SH3RF2: variants seen among roughly 807,000 people sequenced by gnomAD.
SH3RF2 encodes the protein SH3 domain containing ring finger 2.
A neutral mutation model predicts 59.0 loss-of-function variants in SH3RF2; 43 were observed. That is an observed-to-expected ratio of 0.73 (90% CI 0.57 to 0.94). The LOEUF (loss-of-function observed/expected upper bound fraction) is 0.94. Ranked by LOEUF, SH3RF2 falls within the 40% of genes least tolerant of loss-of-function variation. The pLI, the probability that SH3RF2 is intolerant of heterozygous loss-of-function variation, is 0.00. For missense variants in SH3RF2, 930 were observed against 940.1 expected (o/e 0.99, Z 0.14); for synonymous variants, 391 against 391.5 (o/e 1.00, Z 0.01).
intron 2 of SH3RF2, among the ~76,000 whole-genome samples, chr5:145,983,553 T>C (rs1759588164): frequency 1.3e-5 from 2 of 152,166 alleles, no homozygotes; most frequent in Non-Finnish European, 2.9e-5. Flanking sequence ...ACCCAGCTCA[T>C]GGAAATGAGA....
chr5:145,991,750 G>A (rs1472371134), intron 2 of SH3RF2, among the ~76,000 whole-genome samples: 2 of 152,120 alleles, frequency 1.3e-5, no homozygotes, highest in Non-Finnish European at 2.9e-5. Flanking sequence ...TGCAATTTTA[G>A]TTTAATATGC....
chr5:145,987,593 T>C (rs1464042336), intron 2 of SH3RF2, among the ~76,000 whole-genome samples: 1 of 152,204 alleles, frequency 6.6e-6, no homozygotes, highest in African/African-American at 2.4e-5. Flanking sequence ...GGTCATAACA[T>C]AATTCTTTTC....
chr5:146,001,626 G>A (rs1484778567), intron 3 of SH3RF2, among the ~76,000 whole-genome samples: 1 of 152,168 alleles, frequency 6.6e-6, no homozygotes, highest in East Asian at 1.9e-4. Context: ...AAGACATAAG[G>A]AAGTATCATC....
intron 2 of SH3RF2, among the ~76,000 whole-genome samples, chr5:145,995,236 G>A (rs185485101): frequency 5.3e-5 from 8 of 152,216 alleles, no homozygotes; most frequent in Non-Finnish European, 8.8e-5. Context: ...AACTCCGGAC[G>A]GATGCTTCCT....
At chr5:146,066,236 T>G (rs371457180), downstream of SH3RF2, among the ~76,000 whole-genome samples, 2 of 152,324 alleles carry the variant, frequency 1.3e-5, no homozygotes, top group East Asian at 3.9e-4. Context: ...GGCAGCAGAG[T>G]GCATTTTTGG....
intron 5 of SH3RF2, among the ~76,000 whole-genome samples, chr5:146,045,246 A>G (rs1762262686): frequency 6.6e-6 from 1 of 152,142 alleles, no homozygotes; most frequent in Non-Finnish European, 1.5e-5. Flanking sequence ...CTGATTACAA[A>G]CTCAGAACAC....
intron 2 of SH3RF2, among the ~76,000 whole-genome samples, chr5:145,955,488 G>A (rs142698879): frequency 6.6e-5 from 10 of 152,176 alleles, no homozygotes; most frequent in African/African-American, 2.4e-4. Flanking sequence ...GATCATTCGC[G>A]CCCTAAACCT....
At chr5:146,079,997 A>G (rs893934974) in exon 10 of SH3RF2, 2 of 152,220 alleles carry the variant, frequency 1.3e-5, no homozygotes, top group Non-Finnish European at 2.9e-5. Context: ...GGAACTTTCC[A>G]TGAGGTATAG....
chr5:146,034,772 G>T (rs1444676891), intron 5 of SH3RF2, among the ~76,000 whole-genome samples: 1 of 152,146 alleles, frequency 6.6e-6, no homozygotes, highest in Non-Finnish European at 1.5e-5. Flanking sequence ...AGGTTTCCAA[G>T]AATGTAAATC....
intron 5 of SH3RF2, among the ~76,000 whole-genome samples, chr5:146,047,017 A>G (rs1310988509): frequency 6.6e-6 from 1 of 152,130 alleles, no homozygotes; most frequent in Admixed American, 6.5e-5. Context: ...TCAGCTTCCC[A>G]AAGTGCTAGG....
intron 5 of SH3RF2, among the ~76,000 whole-genome samples, chr5:146,016,406 A>ATG (rs1580864782): frequency 2.3e-5 from 3 of 133,306 alleles, no homozygotes; most frequent in South Asian, 4.7e-4. Flanking sequence ...ATGGATGGAT[A>ATG]GATGATTGAT....
In SH3RF2 at chr5:146,019,915, T is replaced by C. The variant is rs151289969; in HGVS notation, c.1059+5854T>C. Among the ~76,000 whole-genome samples, 717 of 152,274 alleles carry C rather than the reference T, an allele frequency of 4.7e-3. 2 individuals are homozygous for C. Among genetic ancestry groups the C allele is most frequent in the African/African-American group, 0.016 (679 of 41,556 alleles). On this transcript the variant is annotated intron_variant, in intron 5 of 9. Transcript: ENST00000359120. ...CTTTATTTGATTCTCAGCTTGTTTG[T>C]TGTTGGTGTATAGCGATGCTGCTGA...
chr5:145,989,987 G>A (rs1349833742), intron 2 of SH3RF2, among the ~76,000 whole-genome samples: 1 of 152,158 alleles, frequency 6.6e-6, no homozygotes, highest in Non-Finnish European at 1.5e-5. Flanking sequence ...TTATGAAGTT[G>A]GTTGTTTCTG....
intron 9 of SH3RF2, 48 bp from the exon 10 acceptor site, chr5:146,062,378 G>A: frequency 6.3e-7 from 1 of 1,585,248 alleles, no homozygotes; most frequent in South Asian, 1.1e-5. Flanking sequence ...TGGGGAAATA[G>A]ACATCTCCCA....
chr5:145,966,997 G>C (rs910493564), intron 2 of SH3RF2, among the ~76,000 whole-genome samples: 2 of 152,114 alleles, frequency 1.3e-5, no homozygotes, highest in East Asian at 3.9e-4. Flanking sequence ...CTCCAACCTG[G>C]GTGACAGGAT....
chr5:146,044,149 G>GTTTTTTTTTTT (rs796365278), intron 5 of SH3RF2, among the ~76,000 whole-genome samples: 7 of 61,188 alleles, frequency 1.1e-4, no homozygotes, highest in East Asian at 4.0e-4. Context: ...GTTTTTTTTT[G>GTTTTTTTTTTT]TTTTTTTTTT....
intron 2 of SH3RF2, among the ~76,000 whole-genome samples, chr5:145,965,300 G>C (rs1320181152): frequency 6.6e-6 from 1 of 152,082 alleles, no homozygotes; most frequent in Non-Finnish European, 1.5e-5. Flanking sequence ...TTTGTCAATG[G>C]TGTTGACCCT....
chr5:145,963,829 G>GT (rs111824139), intron 2 of SH3RF2, among the ~76,000 whole-genome samples: 3,795 of 135,598 alleles, frequency 0.028, 53 homozygotes, highest in Non-Finnish European at 0.036. Flanking sequence ...TTTCTTTTTT[G>GT]TTTTTTTTTT....
Position 145,937,863 on chromosome 5 carries a change from G to A in SH3RF2, c.-66G>A. The A allele has an allele frequency of 1.3e-6, 2 of 1,540,250 alleles. No homozygotes were observed. Among genetic ancestry groups the A allele is most frequent in the Non-Finnish European group, 1.7e-6 (2 of 1,145,838 alleles). On this transcript the variant is annotated 5_prime_UTR_variant, in exon 2 of 10. The change creates a new upstream start codon in the 5' untranslated region. Transcript: ENST00000359120. ...TTCTCAAGAGACCAGCTCTGCCCCC[G>A]TGGCTCAACTGACCCTACCATGTGG...
Sources: allele counts gnomAD v4.1 joint callset (sites outside exome capture counted in the v4.1 genomes callset), GRCh38; gene constraint gnomAD v4.1.1; transcripts MANE v1.5; gene names NCBI Gene and HGNC (gene_info 2026-07-23, HGNC 2026-07-21).